NRIP1: variants seen among roughly 807,000 people sequenced by gnomAD.
The protein encoded by NRIP1 is nuclear receptor-interacting protein 1.
NRIP1 carries 28 observed loss-of-function variants against 75.0 expected under a neutral mutation model. The observed-to-expected ratio is 0.37, with a 90% CI of 0.28 to 0.51. NRIP1 has a LOEUF of 0.51. Ranked by LOEUF, NRIP1 falls within the 20% of genes least tolerant of loss-of-function variation. NRIP1 has a pLI of 0.92. For missense variants in NRIP1, 1,435 were observed against 1,343.7 expected (o/e 1.07, Z -1.06); for synonymous variants, 526 against 487.6 (o/e 1.08, Z -1.04).
At chr21:15,047,213 A>C (rs1279364841) in intron 1 of NRIP1, among the ~76,000 whole-genome samples, 1 of 152,190 alleles carries the variant, frequency 6.6e-6, no homozygotes, top group Non-Finnish European at 1.5e-5. Context: ...AGCAGGAAGA[A>C]GTGCCAAGCA....
intron 2 of NRIP1, among the ~76,000 whole-genome samples, chr21:15,030,842 G>GGAGGATCACCACA (rs2088632457): frequency 1.5e-5 from 2 of 131,746 alleles, no homozygotes; most frequent in Non-Finnish European, 3.4e-5. Flanking sequence ...CTGGAAGGCG[G>GGAGGATCACCACA]TTGGAGGATC....
At chr21:15,057,821 G>C (rs950784600) in intron 1 of NRIP1, among the ~76,000 whole-genome samples, 1 of 152,102 alleles carries the variant, frequency 6.6e-6, no homozygotes, top group Admixed American at 6.5e-5. Context: ...TGTCACAGGG[G>C]AACTGGAAGG....
In NRIP1 at chr21:14,966,662, C is replaced by G; in HGVS notation, c.1531G>C (p.Glu511Gln). Residue 511 changes from glutamate to glutamine, a missense_variant, in exon 4 of 4, where the codon GAA becomes CAA. Coordinates refer to ENST00000318948, the MANE Select transcript of NRIP1 (RefSeq NM_003489.4). ...LQLLLGHKNE[E>Q]NVEKNTSPQG... Reference sequence around the variant, plus strand: ...GGGCTGGTGTTTTTTTCTACATTTTCTTCATTCTTATGGCCAAGTAGCAAT... The same window carrying G: ...GGGCTGGTGTTTTTTTCTACATTTTGTTCATTCTTATGGCCAAGTAGCAAT... 1.2e-6 allele frequency: 2 copies of G among 1,613,942 alleles called. No individual in the cohort carries two copies. The highest frequency in any genetic ancestry group is 1.7e-6 in the Non-Finnish European group (2 of 1,179,934).
intron 2 of NRIP1, among the ~76,000 whole-genome samples, chr21:15,036,679 A>C (rs2088840896): frequency 6.7e-6 from 1 of 150,256 alleles, no homozygotes; most frequent in African/African-American, 2.4e-5. Flanking sequence ...TAATCAAATA[A>C]AAAAAAAAGT....
At chr21:15,025,358 T>C (rs2088492008) in intron 2 of NRIP1, among the ~76,000 whole-genome samples, 1 of 152,086 alleles carries the variant, frequency 6.6e-6, no homozygotes, top group South Asian at 2.1e-4. Flanking sequence ...GATATCAGTA[T>C]GATCAAGGGA....
At chr21:15,039,566 T>C (rs1199034317) in intron 2 of NRIP1, among the ~76,000 whole-genome samples, 1 of 152,146 alleles carries the variant, frequency 6.6e-6, no homozygotes, top group Non-Finnish European at 1.5e-5. Flanking sequence ...CCTCAAAATT[T>C]AGGTAACCTT....
chr21:15,052,861 T>TA lies in NRIP1; in HGVS notation c.-537-9288dup, dbSNP rs200570258. On this transcript the variant is annotated intron_variant, in intron 1 of 3. Transcript: ENST00000318948. ...TTTCCTTCCATTTACTTCATACAATTAAAAAAAAGGTTCCTACCACTCTCA... is the reference window on the plus strand; with the variant it reads ...TTTCCTTCCATTTACTTCATACAATTAAAAAAAAAGGTTCCTACCACTCTCA... Among the ~76,000 whole-genome samples the TA allele has an allele frequency of 3.0e-4, 45 of 151,890 alleles. No individual in the cohort carries two copies. In the East Asian group the frequency reaches 5.2e-3, roughly 18 times the overall value.
intron 3 of NRIP1, among the ~76,000 whole-genome samples, chr21:15,010,627 T>TA (rs1177721036): frequency 1.3e-5 from 2 of 152,242 alleles, no homozygotes; most frequent in African/African-American, 4.8e-5. Context: ...AAGGAAGGTC[T>TA]ATTACTTTTC....
At chr21:14,975,680 AAAGGGAGGG>A (rs2087043284) in intron 3 of NRIP1, among the ~76,000 whole-genome samples, 1 of 139,974 alleles carries the variant, frequency 7.1e-6, no homozygotes, top group African/African-American at 3.1e-5. Flanking sequence ...AGAAAGAAAG[AAAGGGAGGG>A]GAGGGGAGGA....
chr21:14,965,510 G>A lies in NRIP1; in HGVS notation c.2683C>T (p.Leu895Phe). Residue 895 changes from leucine to phenylalanine, a missense_variant, in exon 4 of 4, where the codon CTT becomes TTT. By Grantham distance (22) the Leu-to-Phe change is conservative. Coordinates refer to ENST00000318948, the MANE Select transcript of NRIP1 (RefSeq NM_003489.4). Reference protein sequence around the residue: ...SAPEVLYGSLLNQEELKFSRN... With the variant: ...SAPEVLYGSLFNQEELKFSRN... ...CTAAATTTCAGCTCTTCCTGGTTAA[G>A]CAAGGACCCATACAGTACTTCTGGG... is the stretch of plus-strand genomic sequence containing the variant. 6.2e-7 allele frequency: 1 copy of A among 1,613,992 alleles called. No homozygotes were observed. Among genetic ancestry groups the A allele is most frequent in the Non-Finnish European group, 8.5e-7 (1 of 1,179,956 alleles).
Position 14,963,996 on chromosome 21 carries a change from T to G in NRIP1, c.*720A>C, listed in dbSNP as rs2086655471. ...AGGAGTATTAATTTAGTAAAGTAGTTAAAATACAAAAAATGGAAATCTGCC... is the reference window on the plus strand; with the variant it reads ...AGGAGTATTAATTTAGTAAAGTAGTGAAAATACAAAAAATGGAAATCTGCC... On this transcript the variant is annotated 3_prime_UTR_variant, in exon 4 of 4. Transcript: ENST00000318948. The G allele has an allele frequency of 6.6e-6, 1 of 152,512 alleles. No homozygotes were observed. The highest frequency in any genetic ancestry group is 2.1e-4 in the South Asian group (1 of 4,820). The allele number at this position is 152,512 out of a possible 1,614,324, so 9.4% of individuals were successfully genotyped here. A position where few individuals can be genotyped will look rare whatever the true frequency, so the allele number is the denominator to read the frequency against.
chr21:15,022,125 C>T (rs562982074), intron 2 of NRIP1, among the ~76,000 whole-genome samples: 69 of 152,160 alleles, frequency 4.5e-4, no homozygotes, highest in African/African-American at 1.3e-3. Flanking sequence ...ACAACAGCCA[C>T]GACATGAAAT....
At chr21:15,040,103 G>T (rs922767032) in intron 2 of NRIP1, among the ~76,000 whole-genome samples, 1 of 152,014 alleles carries the variant, frequency 6.6e-6, no homozygotes, top group African/African-American at 2.4e-5. Context: ...GCAATCACTA[G>T]ACACATGTGG....
intron 2 of NRIP1, among the ~76,000 whole-genome samples, chr21:15,033,165 C>T (rs1288786926): frequency 6.8e-6 from 1 of 147,238 alleles, no homozygotes; most frequent in Non-Finnish European, 1.5e-5. Flanking sequence ...GCAGAGCTTG[C>T]AGTGAGCCCA....
At chr21:15,008,869 G>A (rs2088036391) in intron 3 of NRIP1, among the ~76,000 whole-genome samples, 1 of 152,126 alleles carries the variant, frequency 6.6e-6, no homozygotes, top group African/African-American at 2.4e-5. Flanking sequence ...CTTCATAAGT[G>A]TACAGTAGAG....
At chr21:15,048,096 AT>A (rs2089125766) in intron 1 of NRIP1, among the ~76,000 whole-genome samples, 1 of 152,222 alleles carries the variant, frequency 6.6e-6, no homozygotes. Context: ...TCGCCGGCTG[AT>A]ATGGGCACAG....
intron 3 of NRIP1, among the ~76,000 whole-genome samples, chr21:14,982,108 C>T (rs2087253069): frequency 6.6e-6 from 1 of 152,128 alleles, no homozygotes; most frequent in African/African-American, 2.4e-5. Context: ...CCTTGGCCTC[C>T]CAAAGTGTTG....
At position 15,040,482 on chromosome 21, in the gene NRIP1, G is replaced by A. The variant is rs111600174; in HGVS notation, c.-458+3013C>T. 9.7e-3 allele frequency among the ~76,000 whole-genome samples: 1,475 copies of A among 152,016 alleles called. 23 individuals carry two copies. The highest frequency in any genetic ancestry group is 0.033 in the African/African-American group (1,385 of 41,502). On this transcript the variant is annotated intron_variant, in intron 2 of 3. Coordinates refer to ENST00000318948, the MANE Select transcript of NRIP1 (RefSeq NM_003489.4). ...TGAATAATATCAATTTTAATCACCA[G>A]AATAATAAAAACACAAAGGTCACAA...
chr21:15,044,368 T>C (rs1195712205), intron 1 of NRIP1, among the ~76,000 whole-genome samples: 2 of 150,906 alleles, frequency 1.3e-5, no homozygotes, highest in Non-Finnish European at 2.9e-5. Flanking sequence ...AAGTTCATAC[T>C]TTCAGGAACA....
Sources: gnomAD v4.1 joint callset for allele counts (sites outside exome capture counted in the v4.1 genomes callset) on GRCh38, gnomAD v4.1.1 for gene constraint, MANE v1.5 for transcripts, NCBI Gene and HGNC (gene_info 2026-07-23, HGNC 2026-07-21) for gene names.